Variants in KLHL5 observed in about 807,000 individuals in gnomAD.
The protein encoded by KLHL5 is kelch-like protein 5.
KLHL5 carries 48 observed loss-of-function variants against 77.7 expected under a neutral mutation model. The observed-to-expected ratio is 0.62, with a 90% CI of 0.49 to 0.79. The LOEUF is 0.79. Among genes scored for constraint, KLHL5 ranks in the 30% least tolerant of loss-of-function variants. The pLI is 0.00. For synonymous variants in KLHL5, 260 were observed against 297.0 expected, an observed-to-expected ratio of 0.88 and a Z score of 1.28; for missense variants, 723 against 859.7, an observed-to-expected ratio of 0.84 and a Z score of 1.99.
intron 7 of KLHL5, 117 bp from the exon 8 acceptor site, chr4:39,107,452 T>A (rs1423277670): frequency 2.7e-6 from 1 of 373,866 alleles, no homozygotes; most frequent in African/African-American, 2.7e-5. Flanking sequence ...GCATCATAAA[T>A]GTTTACTCAG....
upstream of KLHL5, among the ~76,000 whole-genome samples, chr4:39,060,725 A>G (rs534869463): frequency 3.1e-3 from 471 of 152,292 alleles, 2 homozygotes; most frequent in Middle Eastern, 0.01. Context: ...GCTAGAGTGA[A>G]GTTAGAAGGA....
rs141811812 is a variant in KLHL5, at chr4:39,048,010, A to G, written c.-95+2914A>G. Among the ~76,000 whole-genome samples, 413 of 152,350 alleles carry G rather than the reference A, an allele frequency of 2.7e-3. 3 individuals carry two copies. The highest frequency in any genetic ancestry group is 4.9e-3 in the Non-Finnish European group (336 of 68,028). On this transcript the variant is annotated intron_variant, in intron 1 of 11. Coordinates refer to the KLHL5 transcript ENST00000261425. ...TAGAATGATGAGAGCACATAAATTCATTTATGGAATAAATGTTGAGAATCT... is the reference window on the plus strand; with the variant it reads ...TAGAATGATGAGAGCACATAAATTCGTTTATGGAATAAATGTTGAGAATCT...
At chr4:39,049,140 C>G (rs528497477) in intron 1 of KLHL5, among the ~76,000 whole-genome samples, 1 of 152,244 alleles carries the variant, frequency 6.6e-6, no homozygotes, top group South Asian at 2.1e-4. Flanking sequence ...GTCCCATGAG[C>G]TAACACAGAA....
intron 5 of KLHL5, 37 bp downstream of exon 5, chr4:39,086,764 T>C (rs769953349): frequency 5.4e-6 from 8 of 1,468,468 alleles, no homozygotes; most frequent in Non-Finnish European, 7.6e-6. Context: ...AATTTTTCTT[T>C]GCCTATTCTA....
intron 6 of KLHL5, among the ~76,000 whole-genome samples, chr4:39,101,856 A>AT (rs1458287539): frequency 8.1e-4 from 100 of 122,802 alleles, no homozygotes; most frequent in East Asian, 4.4e-3. Context: ...AAAAAAAAAA[A>AT]AAAATATATA....
intron 6 of KLHL5, among the ~76,000 whole-genome samples, chr4:39,101,845 C>CAA (rs139956032): frequency 0.021 from 2,180 of 105,106 alleles, 30 homozygotes; most frequent in Non-Finnish European, 0.032. Context: ...CAGTCTGTCT[C>CAA]AAAAAAAAAA....
At position 39,097,393 on chromosome 4, in the gene KLHL5, CAT is replaced by C. The variant is rs137985601; in HGVS notation, c.1300+516_1300+517del. Among the ~76,000 whole-genome samples, 57 of 152,338 alleles carry C rather than the reference CAT, an allele frequency of 3.7e-4. 1 individual carries two copies. The highest frequency in any genetic ancestry group is 1.3e-3 in the African/African-American group (54 of 41,574). ...ATAGTCTAAAAGTGTCTCTCAGCCA[CAT>C]GTTTACTAGTTACAAAGAGTAAAAT... On this transcript the variant is annotated intron_variant, in intron 6 of 10. Coordinates refer to ENST00000504108, the MANE Select transcript of KLHL5 (RefSeq NM_015990.5).
In KLHL5 at chr4:39,107,591, C is replaced by T; in HGVS notation, c.1548C>T (p.Pro516=). 2.5e-6 allele frequency: 4 copies of T among 1,611,650 alleles called. No homozygotes were observed. Among genetic ancestry groups the T allele is most frequent in the Non-Finnish European group, 3.4e-6 (4 of 1,178,314 alleles). The part of the protein sequence containing the change: ...HGLGVAVLEG[P]MYAVGGHDGW... ...TAGGTGTGGCTGTACTGGAAGGTCC[C>T]ATGTATGCCGTAGGAGGACATGATG... The change falls in exon 8 of 11, where the codon CCC becomes CCT. Residue 516 remains proline (P), a synonymous_variant. Coordinates refer to ENST00000504108, the MANE Select transcript of KLHL5 (RefSeq NM_015990.5).
chr4:39,117,624 T>A (rs1221212867), intron 10 of KLHL5, among the ~76,000 whole-genome samples: 1 of 152,000 alleles, frequency 6.6e-6, no homozygotes, highest in Non-Finnish European at 1.5e-5. Context: ...AGGAAAGGAA[T>A]GATGAGAGAA....
At chr4:39,049,713 A>ATAAATAAAT (rs1553885699) in intron 1 of KLHL5, among the ~76,000 whole-genome samples, 61 of 18,178 alleles carry the variant, frequency 3.4e-3, no homozygotes, top group African/African-American at 5.6e-3. Context: ...AAATAAATAA[A>ATAAATAAAT]AAATAAATAA....
chr4:39,107,712 G>T lies in KLHL5; in HGVS notation c.1669G>T (p.Val557Leu), dbSNP rs761776711. The T allele has an allele frequency of 6.2e-7, 1 of 1,602,398 alleles. No homozygotes were observed. Among genetic ancestry groups the T allele is most frequent in the African/African-American group, 1.3e-5 (1 of 74,868 alleles). ...GTCTACCCCTAGGAGTACAGTAGGT[G>T]TGGCAGTACTAAGTGGAAAGTAAGG... ...TMSTPRSTVGVAVLSGKLYAV... is the reference protein window; with the variant it reads ...TMSTPRSTVGLAVLSGKLYAV... The change falls in exon 8 of 11, where the codon GTG becomes TTG. Residue 557 changes from valine (V) to leucine (L), a missense_variant. Physicochemically the swap from Val to Leu is conservative, Grantham distance 32. This residue lies in a region of KLHL5 where 214 missense variants were observed against 237.4 expected (regional missense o/e 0.90). Coordinates refer to ENST00000504108, the MANE Select transcript of KLHL5 (RefSeq NM_015990.5).
the KLHL5 span, among the ~76,000 whole-genome samples, chr4:39,136,609 G>C: frequency 6.6e-6 from 1 of 152,164 alleles, no homozygotes; most frequent in Admixed American, 6.5e-5. Context: ...GGGTGACCTG[G>C]CACAGGGTCT....
At chr4:39,133,364 AG>A in the KLHL5 span, among the ~76,000 whole-genome samples, 1 of 152,068 alleles carries the variant, frequency 6.6e-6, no homozygotes, top group East Asian at 1.9e-4. Context: ...ATAGACTCCC[AG>A]GGAGCCAGGT....
At chr4:39,117,196 G>A (rs1722903762) in intron 10 of KLHL5, among the ~76,000 whole-genome samples, 1 of 152,102 alleles carries the variant, frequency 6.6e-6, no homozygotes, top group Non-Finnish European at 1.5e-5. Flanking sequence ...ATCTACTTGG[G>A]AGGCTGAGGC....
At chr4:39,060,747 A>T (rs956711326), upstream of KLHL5, among the ~76,000 whole-genome samples, 2 of 152,098 alleles carry the variant, frequency 1.3e-5, no homozygotes, top group African/African-American at 4.8e-5. Flanking sequence ...GTTGATCAGA[A>T]GGAGTCTGAC....
chr4:39,090,228 A>G (rs1560425633), intron 5 of KLHL5, among the ~76,000 whole-genome samples: 1 of 152,202 alleles, frequency 6.6e-6, no homozygotes, highest in African/African-American at 2.4e-5. Context: ...CTGTTTACCA[A>G]GAGAATTTAT....
upstream of KLHL5, among the ~76,000 whole-genome samples, chr4:39,058,174 T>C (rs1215548258): frequency 6.6e-6 from 1 of 152,204 alleles, no homozygotes; most frequent in African/African-American, 2.4e-5. Flanking sequence ...ATTAGAGGTA[T>C]AGAATATAAT....
intron 5 of KLHL5, among the ~76,000 whole-genome samples, chr4:39,095,503 A>G (rs183151305): frequency 5.3e-5 from 8 of 152,218 alleles, no homozygotes; most frequent in South Asian, 2.1e-4. Flanking sequence ...AGTCAATTCA[A>G]TTCTTACAAA....
intron 10 of KLHL5, 102 bp downstream of exon 10, chr4:39,115,432 G>A: frequency 6.4e-7 from 1 of 1,554,990 alleles, no homozygotes; most frequent in Non-Finnish European, 8.7e-7. Context: ...TGAAATATAT[G>A]GCATAAATAT....
Sources: allele counts gnomAD v4.1 joint callset (sites outside exome capture counted in the v4.1 genomes callset), GRCh38; gene constraint gnomAD v4.1.1; regional missense constraint gnomAD v4.1.1; transcripts MANE v1.5; gene names NCBI Gene and HGNC (gene_info 2026-07-23, HGNC 2026-07-21).